Variants in CERKL observed in about 807,000 individuals in gnomAD.
The protein encoded by CERKL is CERK like autophagy regulator, also known as ceramide kinase-like protein.
A neutral mutation model predicts 63.4 loss-of-function variants in CERKL; 61 were observed. The observed-to-expected ratio is 0.96, with a 90% CI of 0.78 to 1.19. CERKL has a LOEUF of 1.19. Among genes scored for constraint, CERKL ranks in the 50% most tolerant of loss-of-function variants. The probability of loss-of-function intolerance (pLI) is 0.00; values close to 1 mark genes in which losing one functional copy is unlikely to be tolerated. For missense variants in CERKL, 675 were observed against 655.5 expected (o/e 1.03, Z -0.33); for synonymous variants, 250 against 230.5 (o/e 1.08, Z -0.77).
intron 1 of CERKL, among the ~76,000 whole-genome samples, chr2:181,648,222 T>C (rs550416291): frequency 6.6e-6 from 1 of 152,294 alleles, no homozygotes; most frequent in East Asian, 1.9e-4. Flanking sequence ...ATTCTCTCTG[T>C]GGCACATTAT....
intron 3 of CERKL, among the ~76,000 whole-genome samples, chr2:181,572,389 T>C (rs1688943470): frequency 6.6e-6 from 1 of 152,208 alleles, no homozygotes; most frequent in Non-Finnish European, 1.5e-5. Context: ...AGAGCAAGCA[T>C]ACAATGAGAT....
Position 181,550,639 on chromosome 2 carries a change from TG to T in CERKL, c.821-932del, listed in dbSNP as rs1465188228. 6.6e-6 allele frequency among the ~76,000 whole-genome samples: 1 copy of T among 152,204 alleles called. No homozygotes were observed. Among genetic ancestry groups the T allele is most frequent in the East Asian group, 1.9e-4 (1 of 5,206 alleles). On this transcript the variant is annotated intron_variant, in intron 5 of 12. Transcript: ENST00000410087. This position sits in a 1 kb window ranked among gnomAD's most constrained non-coding sequence, Gnocchi z 4.5. ...GTTATGAAGGCAAAGACCAGTCCTC[TG>T]GATTTTGTTAATCAGAAGCATTCCT...
chr2:181,547,123 CAGCAACGTGG>C (rs1559070963), intron 10 of CERKL, among the ~76,000 whole-genome samples: 1 of 152,092 alleles, frequency 6.6e-6, no homozygotes, highest in Non-Finnish European at 1.5e-5. Context: ...GGAGCCTCCC[CAGCAACGTGG>C]AACTGTAAGT....
intron 3 of CERKL, among the ~76,000 whole-genome samples, chr2:181,566,428 T>C (rs910451221): frequency 6.6e-6 from 1 of 152,176 alleles, no homozygotes; most frequent in East Asian, 1.9e-4. Context: ...ATAAGACACA[T>C]GTCCTTTAAA....
At chr2:181,579,894 A>G (rs1275247535) in intron 2 of CERKL, among the ~76,000 whole-genome samples, 2 of 151,784 alleles carry the variant, frequency 1.3e-5, no homozygotes, top group African/African-American at 2.4e-5. Context: ...AAATTTTTGT[A>G]TGTGTTTGGA....
At chr2:181,633,670 C>T (rs772786382) in intron 1 of CERKL, among the ~76,000 whole-genome samples, 4 of 152,084 alleles carry the variant, frequency 2.6e-5, no homozygotes, top group Admixed American at 1.3e-4. Flanking sequence ...GAGAAAGCGT[C>T]GGGCAATGGA....
intron 1 of CERKL, among the ~76,000 whole-genome samples, chr2:181,631,588 A>G (rs1686961224): frequency 6.6e-6 from 1 of 151,764 alleles, no homozygotes; most frequent in Non-Finnish European, 1.5e-5. Flanking sequence ...TGCTTTCCAC[A>G]TGACCTCTGT....
chr2:181,548,614 A>G lies in CERKL; in HGVS notation c.1074-10T>C. 6.2e-7 allele frequency: 1 copy of G among 1,612,930 alleles called. No individual in the cohort carries two copies. Among genetic ancestry groups the G allele is most frequent in the Non-Finnish European group, 8.5e-7 (1 of 1,179,136 alleles). On this transcript the variant is annotated splice_polypyrimidine_tract_variant and intron_variant, in intron 7 of 12. Transcript: ENST00000410087. ...TTCACAGTCTTCTGCCCTAAAATGTAATGAAATTTGTTATTAACAGTCATT... is the reference window on the plus strand; with the variant it reads ...TTCACAGTCTTCTGCCCTAAAATGTGATGAAATTTGTTATTAACAGTCATT...
At chr2:181,548,972 C>A in intron 6 of CERKL, 115 bp from the exon 7 acceptor site, 2 of 843,934 alleles carry the variant, frequency 2.4e-6, no homozygotes, top group Non-Finnish European at 3.8e-6. Context: ...GTACTGTAGA[C>A]CATGAACATC....
chr2:181,607,749 G>T (rs1205085565), intron 1 of CERKL, among the ~76,000 whole-genome samples: 1 of 152,254 alleles, frequency 6.6e-6, no homozygotes, highest in East Asian at 1.9e-4. Flanking sequence ...AAGCAAGCAG[G>T]CTTACCAAAG....
chr2:181,654,867 C>T (rs1032577384), intron 1 of CERKL, among the ~76,000 whole-genome samples: 3 of 152,176 alleles, frequency 2.0e-5, no homozygotes, highest in Non-Finnish European at 4.4e-5. Context: ...TCACAGCAAC[C>T]TCCAACTCCC....
chr2:181,566,442 G>C (rs1406825657), intron 3 of CERKL, among the ~76,000 whole-genome samples: 1 of 152,162 alleles, frequency 6.6e-6, no homozygotes, highest in Non-Finnish European at 1.5e-5. Flanking sequence ...CTTTAAATCA[G>C]AGGCTTAGGA....
intron 2 of CERKL, among the ~76,000 whole-genome samples, chr2:181,577,053 A>G (rs1684262724): frequency 6.6e-6 from 1 of 152,210 alleles, no homozygotes. Flanking sequence ...TTTTGGGCTT[A>G]GTAGTCTGGG....
At chr2:181,647,476 G>A (rs1667641033) in intron 1 of CERKL, among the ~76,000 whole-genome samples, 1 of 152,034 alleles carries the variant, frequency 6.6e-6, no homozygotes, top group Non-Finnish European at 1.5e-5. Context: ...AAAAACTCCT[G>A]CAGCCTAGGC....
In CERKL at chr2:181,558,665, G is replaced by C; in HGVS notation, c.721C>G (p.His241Asp). The change falls in exon 5 of 13, where the codon CAT (histidine) becomes GAT (aspartate). Residue 241 changes from histidine (H) to aspartate (D), a missense_variant. By Grantham distance (81) the His-to-Asp change is moderately conservative (BLOSUM62 -1). Transcript: ENST00000410087. The surrounding 1 kb of genome is among the most constrained non-coding windows in gnomAD (Gnocchi z 4.2). Reference sequence around the variant, plus strand: ...TTCTGAGCTCTCAGAAGCAAAGCATGGGCTACTTCGCTAGCAGATCCATCT... The same window carrying C: ...TTCTGAGCTCTCAGAAGCAAAGCATCGGCTACTTCGCTAGCAGATCCATCT... ...GGDGSASEVAHALLLRAQKNA... is the reference protein window; with the variant it reads ...GGDGSASEVADALLLRAQKNA... 6.2e-7 allele frequency: 1 copy of C among 1,613,510 alleles called. No homozygotes were observed. The highest frequency in any genetic ancestry group is 1.1e-5 in the South Asian group (1 of 91,058).
Position 181,548,784 on chromosome 2 carries a change from CAT to C in CERKL, c.967_968del (p.Met323ValfsTer20), listed in dbSNP as rs750151209. The C allele has an allele frequency of 6.8e-6, 11 of 1,614,056 alleles. No homozygotes were observed. The South Asian group carries it at 1.1e-4, about 16-fold the overall frequency. ...CCAAAGTTCTTCCACCAAAGCCAAA[CAT>C]GGCTGAGAACCCAAAGCGAAGAAGC... ...GKLLRFGFSA[M>X]FGFGGRTLAL... On this transcript the variant is annotated frameshift_variant, in exon 7 of 13. Coordinates refer to ENST00000410087, the MANE Select transcript of CERKL (RefSeq NM_201548.5). LOFTEE classifies it high-confidence loss of function.
intron 1 of CERKL, among the ~76,000 whole-genome samples, chr2:181,625,872 T>C (rs1686678778): frequency 6.6e-6 from 1 of 152,224 alleles, no homozygotes. Flanking sequence ...AGAAAAATGA[T>C]ATTTAATTTA....
rs1301816252 is a variant in CERKL, at chr2:181,537,943, A to G, written c.*241T>C. The stretch of plus-strand genomic sequence containing the variant: ...AGCAGCAGCATTAGATTCTCATAGA[A>G]GTGCGAACCATATGGTGAACTGGTA... On this transcript the variant is annotated 3_prime_UTR_variant, in exon 13 of 13. Transcript: ENST00000410087. 1.6e-6 allele frequency: 1 copy of G among 617,500 alleles called. No homozygotes were observed. The highest frequency in any genetic ancestry group is 3.0e-6 in the Non-Finnish European group (1 of 329,034). The allele number at this position is 617,500 out of a possible 1,614,324, so 38.3% of individuals were successfully genotyped here.
intron 1 of CERKL, among the ~76,000 whole-genome samples, chr2:181,618,106 A>G (rs533219844): frequency 7.2e-4 from 109 of 152,326 alleles, no homozygotes; most frequent in African/African-American, 2.4e-3. Context: ...TGATAGACAA[A>G]GGAGACTCAA....
Sources: gnomAD v4.1 joint callset for allele counts (sites outside exome capture counted in the v4.1 genomes callset) on GRCh38, gnomAD v4.1.1 for gene constraint, Gnocchi (gnomAD v3.1) non-coding constraint, MANE v1.5 for transcripts, NCBI Gene and HGNC (gene_info 2026-07-23, HGNC 2026-07-21) for gene names.